PSMC6: variants seen among roughly 807,000 people sequenced by gnomAD.
PSMC6 encodes 26S proteasome regulatory subunit 10B.
A neutral mutation model predicts 55.9 loss-of-function variants in PSMC6; 3 were observed. That is an observed-to-expected ratio of 0.05 (90% CI 0.02 to 0.14). The LOEUF (loss-of-function observed/expected upper bound fraction) is 0.14, where lower values mean the gene tolerates loss of function less well. Ranked by LOEUF, PSMC6 falls within the 10% of genes least tolerant of loss-of-function variation. PSMC6 has a pLI of 1.00. For missense variants in PSMC6, 210 were observed against 478.7 expected, an observed-to-expected ratio of 0.44 and a Z score of 5.24; for synonymous variants, 137 against 155.9, an observed-to-expected ratio of 0.88 and a Z score of 0.90.
chr14:52,709,024 T>TC, intron 4 of PSMC6: 2 of 548,200 alleles, frequency 3.6e-6, no homozygotes, highest in African/African-American at 1.9e-5. Context: ...CTGTATTACA[T>TC]TGTCTCAGTC....
At chr14:52,714,415 C>G (rs1482428737) in intron 7 of PSMC6, among the ~76,000 whole-genome samples, 3 of 152,156 alleles carry the variant, frequency 2.0e-5, no homozygotes, top group African/African-American at 7.2e-5. Flanking sequence ...ATATTTATGT[C>G]TACTGTTCTT....
chr14:52,709,564 G>GTACA, intron 4 of PSMC6: 2 of 454,516 alleles, frequency 4.4e-6, no homozygotes, highest in South Asian at 3.1e-5. Flanking sequence ...GGATTTTCAT[G>GTACA]TCCCTTTCAG....
chr14:52,708,683 C>T, intron 3 of PSMC6, 81 bp from the exon 4 acceptor site: 1 of 1,586,616 alleles, frequency 6.3e-7, no homozygotes, highest in Non-Finnish European at 8.6e-7. Context: ...GACAGAAATA[C>T]AACTAAACCC....
intron 11 of PSMC6, 41 bp downstream of exon 11, chr14:52,721,022 G>A (rs370109586): frequency 6.9e-6 from 11 of 1,598,008 alleles, no homozygotes; most frequent in African/African-American, 1.3e-5. Context: ...TTCCCTTTGT[G>A]CCCATTTCTT....
chr14:52,719,899 G>A (rs1049569104), intron 10 of PSMC6, among the ~76,000 whole-genome samples: 3 of 152,018 alleles, frequency 2.0e-5, no homozygotes, highest in African/African-American at 4.8e-5. Flanking sequence ...TATTTTTTAT[G>A]TCTTTTAGTA....
At chr14:52,716,231 G>T (rs2139845658) in intron 7 of PSMC6, among the ~76,000 whole-genome samples, 1 of 152,282 alleles carries the variant, frequency 6.6e-6, no homozygotes, top group East Asian at 1.9e-4. Context: ...AAGAACCCTT[G>T]TACACTACTG....
intron 6 of PSMC6, among the ~76,000 whole-genome samples, chr14:52,713,489 G>A (rs573619732): frequency 4.6e-5 from 7 of 151,970 alleles, no homozygotes; most frequent in Non-Finnish European, 1.0e-4. Context: ...TAGATCTTTT[G>A]AGTTGTGTTT....
Position 52,718,974 on chromosome 14 carries a change from T to C in PSMC6, c.716-3T>C, listed in dbSNP as rs746727338. 1.2e-6 allele frequency: 2 copies of C among 1,607,442 alleles called. No individual in the cohort carries two copies. The highest frequency in any genetic ancestry group is 1.1e-5 in the South Asian group (1 of 90,904). On this transcript the variant is annotated splice_polypyrimidine_tract_variant and splice_region_variant and intron_variant, in intron 9 of 13. Transcript: ENST00000445930. ...ATATAAATTTCCAAATCTACTATCT[T>C]AGGTGGTCGTCGGTTTTCTGAGGGT...
At chr14:52,724,914 AAC>A (rs1880343027) in intron 13 of PSMC6, among the ~76,000 whole-genome samples, 1 of 152,224 alleles carries the variant, frequency 6.6e-6, no homozygotes, top group Non-Finnish European at 1.5e-5. Flanking sequence ...TAGTAAATTC[AAC>A]ACAGTGTTTA....
intron 4 of PSMC6, chr14:52,710,272 CA>C (rs1264104157): frequency 9.3e-5 from 14 of 150,924 alleles, no homozygotes; most frequent in Admixed American, 6.0e-4. Flanking sequence ...CTAAAAAATA[CA>C]AAAAAAAATT....
rs544863356 is a variant in PSMC6, at chr14:52,720,197, G to GGGT, written c.778-662_778-660dup. On this transcript the variant is annotated intron_variant, in intron 10 of 13. Coordinates refer to ENST00000445930, the MANE Select transcript of PSMC6 (RefSeq NM_002806.5). ...AGATCGCCCCATTGCACTCCAGCCT[G>GGGT]GGTGACAGAGCGAGAGTCTGTCTCC... Among the ~76,000 whole-genome samples, 10 of 142,600 alleles carry GGGT rather than the reference G, an allele frequency of 7.0e-5. No individual in the cohort carries two copies. The South Asian group carries it at 1.4e-3, about 19-fold the overall frequency. 93.6% of individuals were successfully genotyped at this position (142,600 alleles called of 152,430 possible).
At chr14:52,727,224 T>G (rs747080970) in intron 13 of PSMC6, among the ~76,000 whole-genome samples, 16 of 147,240 alleles carry the variant, frequency 1.1e-4, no homozygotes, top group Non-Finnish European at 1.9e-4. Context: ...AGAGATGGGG[T>G]TTCACCGTGT....
intron 6 of PSMC6, among the ~76,000 whole-genome samples, chr14:52,712,331 T>TA (rs2041781817): frequency 6.7e-6 from 1 of 148,696 alleles, no homozygotes; most frequent in Non-Finnish European, 1.5e-5. Context: ...TTCCAAGTGA[T>TA]TATGAAACCA....
At chr14:52,707,472 C>T (rs1225559151) in intron 1 of PSMC6, 168 bp downstream of exon 1, 4 of 886,322 alleles carry the variant, frequency 4.5e-6, no homozygotes, top group Non-Finnish European at 5.0e-6. Flanking sequence ...AGCAGCACTC[C>T]TTCGGGTGTA....
intron 5 of PSMC6, 82 bp from the exon 6 acceptor site, chr14:52,711,328 T>C (rs1448299859): frequency 5.2e-6 from 7 of 1,341,552 alleles, no homozygotes; most frequent in Non-Finnish European, 7.3e-6. Context: ...AGGTGCTTGC[T>C]TGAGCAAGTT....
At chr14:52,709,496 T>C (rs1566656067) in intron 4 of PSMC6, 1 of 414,746 alleles carries the variant, frequency 2.4e-6, no homozygotes, top group Non-Finnish European at 4.7e-6. Context: ...GGATTTTGCC[T>C]AGTATATAAG....
chr14:52,717,994 C>A, intron 7 of PSMC6, 87 bp from the exon 8 acceptor site: 1 of 1,251,540 alleles, frequency 8.0e-7, no homozygotes, highest in Non-Finnish European at 1.2e-6. Context: ...CGCCACACTC[C>A]AGCCTAGGTG....
At chr14:52,723,727 T>G in intron 12 of PSMC6, 196 of 870,750 alleles carry the variant, frequency 2.3e-4, no homozygotes, top group Middle Eastern at 3.9e-4. Flanking sequence ...TAAGATATTT[T>G]GAGATTTTGG....
intron 7 of PSMC6, among the ~76,000 whole-genome samples, chr14:52,714,730 GT>G (rs1312779352): frequency 6.6e-6 from 1 of 151,960 alleles, no homozygotes; most frequent in African/African-American, 2.4e-5. Flanking sequence ...GCCAGGCGTG[GT>G]GGCGTGCACC....
Sources: gnomAD v4.1 joint callset for allele counts (sites outside exome capture counted in the v4.1 genomes callset) on GRCh38, gnomAD v4.1.1 for gene constraint, MANE v1.5 for transcripts, NCBI Gene and HGNC (gene_info 2026-07-23, HGNC 2026-07-21) for gene names.